The following ACTR2 variants were observed in gnomAD, a reference collection of about 807,000 sequenced individuals.
The protein encoded by ACTR2 is actin-related protein 2.
A neutral mutation model predicts 50.2 loss-of-function variants in ACTR2; 5 were observed. The ratio of observed to expected loss-of-function variants is 0.10; its 90% CI spans 0.05 to 0.21. ACTR2 has a LOEUF of 0.21. Among genes scored for constraint, ACTR2 ranks in the 10% least tolerant of loss-of-function variants. ACTR2 has a pLI of 1.00. For synonymous variants in ACTR2, 140 were observed against 162.9 expected, an observed-to-expected ratio of 0.86 and a Z score of 1.07; for missense variants, 180 against 480.6, an observed-to-expected ratio of 0.37 and a Z score of 5.85.
At chr2:65,253,934 T>A in intron 5 of ACTR2, 70 bp downstream of exon 5, 1 of 1,367,038 alleles carries the variant, frequency 7.3e-7, no homozygotes. Context: ...CAGAATTGAA[T>A]CTATCGTTTT....
chr2:65,244,941 CAAAA>C lies in ACTR2; in HGVS notation c.160-1568_160-1565del, dbSNP rs35780666. 1.4e-4 allele frequency among the ~76,000 whole-genome samples: 11 copies of C among 77,084 alleles called. No homozygotes were observed. In the South Asian group the frequency reaches 2.6e-3, roughly 18 times the overall value. The allele number at this position is 77,084 out of a possible 152,430, so 50.6% of individuals were successfully genotyped here. On this transcript the variant is annotated intron_variant, in intron 2 of 8. Coordinates refer to ENST00000260641, the MANE Select transcript of ACTR2 (RefSeq NM_005722.4). ...TGGGTGACAGAGTGAGACCCCATCT[CAAAA>C]AAAAAAAAAAAAAAGAGTGTAAACA...
chr2:65,268,059 G>C (rs576614874), intron 8 of ACTR2, among the ~76,000 whole-genome samples: 2 of 151,470 alleles, frequency 1.3e-5, no homozygotes, highest in East Asian at 1.9e-4. Context: ...GGATGGTCTC[G>C]ATCTCCTGAC....
chr2:65,251,412 A>G (rs1179785634), intron 4 of ACTR2, among the ~76,000 whole-genome samples: 1 of 152,162 alleles, frequency 6.6e-6, no homozygotes, highest in Non-Finnish European at 1.5e-5. Flanking sequence ...CCCAGGCCGG[A>G]GTGCAATAGT....
intron 7 of ACTR2, 147 bp from the exon 8 acceptor site, chr2:65,264,896 T>C (rs1442810254): frequency 1.2e-6 from 1 of 861,524 alleles, no homozygotes; most frequent in Non-Finnish European, 1.8e-6. Flanking sequence ...ACAGTAGTAA[T>C]AACAGCAAAT....
At chr2:65,245,655 T>A (rs1216366858) in intron 2 of ACTR2, among the ~76,000 whole-genome samples, 3 of 152,214 alleles carry the variant, frequency 2.0e-5, no homozygotes, top group African/African-American at 7.2e-5. Context: ...TAGAAATTAG[T>A]ATTATTTAAC....
At chr2:65,251,566 G>C (rs1672052003) in intron 4 of ACTR2, among the ~76,000 whole-genome samples, 5 of 152,130 alleles carry the variant, frequency 3.3e-5, no homozygotes, top group African/African-American at 1.2e-4. Context: ...TCTCCATATT[G>C]GTCAGGCTGG....
rs1166634548 is a variant in ACTR2, at chr2:65,237,704, T to TA, written c.49-2147dup. The stretch of plus-strand genomic sequence containing the variant: ...CATCTCTACAAAAAATTTTAAAACT[T>TA]ACGCTAGGCGTGGTGGCTCACTCCT... On this transcript the variant is annotated intron_variant, in intron 1 of 8. Coordinates refer to ENST00000260641, the MANE Select transcript of ACTR2 (RefSeq NM_005722.4). 4.6e-5 allele frequency among the ~76,000 whole-genome samples: 7 copies of TA among 152,216 alleles called. No individual in the cohort carries two copies. In the East Asian group the frequency reaches 7.7e-4, roughly 17 times the overall value.
At chr2:65,233,138 G>C (rs1671671641) in intron 1 of ACTR2, among the ~76,000 whole-genome samples, 1 of 151,952 alleles carries the variant, frequency 6.6e-6, no homozygotes. Flanking sequence ...GGGATCACAG[G>C]TGTGCACCAC....
intron 7 of ACTR2, among the ~76,000 whole-genome samples, chr2:65,264,476 T>G (rs975731051): frequency 1.3e-5 from 2 of 152,162 alleles, no homozygotes; most frequent in Non-Finnish European, 2.9e-5. Flanking sequence ...CTTTTTAGAT[T>G]GGATTTTCTG....
At chr2:65,266,451 G>A (rs375103787) in intron 8 of ACTR2, among the ~76,000 whole-genome samples, 1 of 152,134 alleles carries the variant, frequency 6.6e-6, no homozygotes. Flanking sequence ...GAGCAAGGGA[G>A]GGGGGCAGGT....
intron 3 of ACTR2, among the ~76,000 whole-genome samples, 187 bp downstream of exon 3, chr2:65,246,926 T>C (rs1480375500): frequency 1.3e-5 from 2 of 151,984 alleles, no homozygotes; most frequent in Non-Finnish European, 2.9e-5. Flanking sequence ...AAACAAAAAA[T>C]CCTACTGCCA....
chr2:65,249,471 A>G (rs1424248777), intron 3 of ACTR2, among the ~76,000 whole-genome samples: 1 of 152,226 alleles, frequency 6.6e-6, no homozygotes, highest in Admixed American at 6.5e-5. Flanking sequence ...GTATGTGCAT[A>G]TATATGATCA....
intron 6 of ACTR2, among the ~76,000 whole-genome samples, 171 bp from the exon 7 acceptor site, chr2:65,261,075 TA>T (rs771172904): frequency 6.7e-6 from 1 of 149,922 alleles, no homozygotes; most frequent in African/African-American, 2.5e-5. Context: ...TAAGAGCAGT[TA>T]CCTAAATCTA....
intron 6 of ACTR2, among the ~76,000 whole-genome samples, chr2:65,256,624 C>A (rs969932469): frequency 6.6e-6 from 1 of 152,134 alleles, no homozygotes; most frequent in Non-Finnish European, 1.5e-5. Context: ...GTAATCCCAG[C>A]ACTTTGGGAG....
chr2:65,238,399 C>T (rs1486416579), intron 1 of ACTR2, among the ~76,000 whole-genome samples: 3 of 151,856 alleles, frequency 2.0e-5, no homozygotes, highest in African/African-American at 4.8e-5. Flanking sequence ...GTGGCTCACG[C>T]CTGTAATCCC....
At chr2:65,250,954 A>C (rs193149751) in intron 3 of ACTR2, 73 bp from the exon 4 acceptor site, 1 of 1,065,262 alleles carries the variant, frequency 9.4e-7, no homozygotes, top group East Asian at 2.6e-5. Context: ...TCACTCTGTG[A>C]CCATGAGGAA....
chr2:65,254,570 A>G (rs1672112798), intron 5 of ACTR2, among the ~76,000 whole-genome samples: 1 of 152,184 alleles, frequency 6.6e-6, no homozygotes, highest in Admixed American at 6.5e-5. Flanking sequence ...CCTCTCCAGG[A>G]CAGTGGTTCT....
At chr2:65,249,738 G>A (rs1156890313) in intron 3 of ACTR2, among the ~76,000 whole-genome samples, 1 of 152,120 alleles carries the variant, frequency 6.6e-6, no homozygotes, top group Non-Finnish European at 1.5e-5. Flanking sequence ...GCTGACCTGG[G>A]CTACAGAGAA....
Position 65,268,827 on chromosome 2 carries a change from G to T in ACTR2, c.*93G>T. ...CATTCAACTCCAGGACATGGAAGAG[G>T]CCTCTCTCTGCCCTTTGACTGGAAA... On this transcript the variant is annotated 3_prime_UTR_variant, in exon 9 of 9. Coordinates refer to ENST00000260641, the MANE Select transcript of ACTR2 (RefSeq NM_005722.4). 7.7e-7 allele frequency: 1 copy of T among 1,306,874 alleles called. No homozygotes were observed. The allele number at this position is 1,306,874 out of a possible 1,614,324, so 81.0% of individuals were successfully genotyped here.
Sources: gnomAD v4.1 joint callset for allele counts (sites outside exome capture counted in the v4.1 genomes callset) on GRCh38, gnomAD v4.1.1 for gene constraint, MANE v1.5 for transcripts, NCBI Gene and HGNC (gene_info 2026-07-23, HGNC 2026-07-21) for gene names.